Variants in CROCC observed in about 807,000 individuals in gnomAD.
The protein encoded by CROCC is rootletin.
A neutral mutation model predicts 245.2 loss-of-function variants in CROCC; 180 were observed. That is an observed-to-expected ratio of 0.73 (90% CI 0.65 to 0.83). The LOEUF (loss-of-function observed/expected upper bound fraction) is 0.83, where lower values mean the gene tolerates loss of function less well. Ranked by LOEUF, CROCC falls within the 40% of genes least tolerant of loss-of-function variation. The pLI, the probability that CROCC is intolerant of heterozygous loss-of-function variation, is 0.00. For synonymous variants in CROCC, 1,205 were observed against 1,241.6 expected (o/e 0.97, Z 0.62); for missense variants, 2,688 against 2,779.4 (o/e 0.97, Z 0.74).
intron 9 of CROCC, 127 bp from the exon 10 acceptor site, chr1:16,937,514 A>G (rs2075818207): frequency 5.3e-6 from 4 of 757,642 alleles, no homozygotes; most frequent in Non-Finnish European, 6.8e-6. Flanking sequence ...GTCTGAGGTC[A>G]CACAGCCAGG....
At chr1:16,937,510 G>A (rs1557596970) in intron 9 of CROCC, 131 bp from the exon 10 acceptor site, 7 of 735,214 alleles carry the variant, frequency 9.5e-6, no homozygotes, top group Admixed American at 2.2e-5. Context: ...ACTTGTCTGA[G>A]GTCACACAGC....
chr1:16,924,425 G>A lies in CROCC; in HGVS notation c.297G>A (p.Gln99=). 1 of 1,613,338 alleles carries A rather than the reference G, an allele frequency of 6.2e-7. No individual in the cohort carries two copies. The highest frequency in any genetic ancestry group is 1.1e-5 in the South Asian group (1 of 91,010). Reference sequence around the variant, plus strand: ...CCCGCGTGGAGGACCTGCTGGCCCAGAGCCGTGCCGAGCGCGATGAGCTCG... The same window carrying A: ...CCCGCGTGGAGGACCTGCTGGCCCAAAGCCGTGCCGAGCGCGATGAGCTCG... ...ELSRVEDLLA[Q]SRAERDELAI... is the part of the protein sequence containing the mutation. The change falls in exon 3 of 37, where the codon CAG becomes CAA. Residue 99 remains glutamine (Q), a synonymous_variant. Transcript: ENST00000375541.
chr1:16,962,546 A>C (rs1337035184), intron 27 of CROCC, among the ~76,000 whole-genome samples: 35 of 142,306 alleles, frequency 2.5e-4, no homozygotes, highest in Admixed American at 1.3e-3. Context: ...AAAAAAAAAA[A>C]AAAAAAAAAA....
In CROCC at chr1:16,940,109, G is replaced by C. The variant is rs2100425009; in HGVS notation, c.1808+16G>C. The C allele has an allele frequency of 6.3e-7, 1 of 1,585,576 alleles. No homozygotes were observed. Among genetic ancestry groups the C allele is most frequent in the Non-Finnish European group, 8.6e-7 (1 of 1,168,268 alleles). ...TCCTGAGCAGGTGCCGGGGAGGTCTGAGCTGGGGGGTACTGAAGAATAAGT... is the reference window on the plus strand; with the variant it reads ...TCCTGAGCAGGTGCCGGGGAGGTCTCAGCTGGGGGGTACTGAAGAATAAGT... On this transcript the variant is annotated intron_variant, in intron 13 of 36. Transcript: ENST00000375541.
At chr1:16,940,466 G>A (rs2075905411) in intron 13 of CROCC, among the ~76,000 whole-genome samples, 1 of 151,496 alleles carries the variant, frequency 6.6e-6, no homozygotes, top group South Asian at 2.1e-4. Flanking sequence ...TTGGCTCATT[G>A]CATCCTCCTC....
Position 16,960,846 on chromosome 1 carries a change from G to C in CROCC, c.4121G>C (p.Arg1374Pro). 2 of 1,518,634 alleles carry C rather than the reference G, an allele frequency of 1.3e-6. No homozygotes were observed. The highest frequency in any genetic ancestry group is 2.4e-5 in the South Asian group (2 of 82,484). The allele number at this position is 1,518,634 out of a possible 1,614,324, so 94.1% of individuals were successfully genotyped here. The change falls in exon 27 of 37, where the codon CGT becomes CCT. Residue 1374 changes from arginine to proline, a missense_variant. This residue lies in a region of CROCC where 1,218 missense variants were observed against 1,286.3 expected (regional missense o/e 0.95). Coordinates refer to ENST00000375541, the MANE Select transcript of CROCC (RefSeq NM_014675.5). ...RRLLGSLEEA[R>P]GTEKQQLDHA... ...CTGCTGGGCTCCCTGGAGGAGGCGC[G>C]TGGCACTGAAAAGCAGCAGCTGGAC...
chr1:16,931,181 C>G (rs2075668253), intron 7 of CROCC, 110 bp from the exon 8 acceptor site: 4 of 940,814 alleles, frequency 4.3e-6, no homozygotes, highest in African/African-American at 1.6e-5. Context: ...ACAGGAAGAC[C>G]CAATCCCTGA....
Position 16,930,429 on chromosome 1 carries a change from G to T in CROCC, c.684G>T (p.Arg228Ser), listed in dbSNP as rs776443150. 1.1e-5 allele frequency: 17 copies of T among 1,611,440 alleles called. No individual in the cohort carries two copies. The highest frequency in any genetic ancestry group is 8.3e-5 in the Admixed American group (5 of 60,006). Residue 228 changes from arginine (R) to serine (S), a missense_variant and splice_region_variant, in exon 7 of 37, where the codon AGG becomes AGT. Transcript: ENST00000375541. The stretch of plus-strand genomic sequence containing the variant: ...TACTGATCCCCTGTGCCCCATTCAG[G>T]AGTGCCAGCCTGGCCCAGGTGAATG... ...ALIRLEEEQQRSASLAQVNAM... is the reference protein window; with the variant it reads ...ALIRLEEEQQSSASLAQVNAM...
Position 16,929,877 on chromosome 1 carries a change from A to T in CROCC, c.383A>T (p.Glu128Val), listed in dbSNP as rs1413994890. ...CAGGCTCTGCGGCTGGAGCCTGGGG[A>T]GCTGGAGACGCAGGAGCCCAGGGGG... ...LEQALRLEPGELETQEPRGLV... is the reference protein window; with the variant it reads ...LEQALRLEPGVLETQEPRGLV... The change falls in exon 4 of 37, where the codon GAG becomes GTG. Residue 128 changes from glutamate to valine, a missense_variant. Physicochemically the swap from Glu to Val is moderately radical, Grantham distance 121. Transcript: ENST00000375541. 2 of 1,579,822 alleles carry T rather than the reference A, an allele frequency of 1.3e-6. No individual in the cohort carries two copies. Among genetic ancestry groups the T allele is most frequent in the South Asian group, 1.2e-5 (1 of 86,456 alleles).
rs373033043 is a variant in CROCC, at chr1:16,968,366, G to A, written c.5024G>A (p.Arg1675His). 1.3e-4 allele frequency: 203 copies of A among 1,534,004 alleles called. No individual in the cohort carries two copies. The highest frequency in any genetic ancestry group is 1.0e-3 in the East Asian group (41 of 40,700). The change falls in exon 31 of 37, where the codon CGC becomes CAC. Residue 1675 changes from arginine (R) to histidine (H), a missense_variant. By Grantham distance (29) the Arg-to-His change is conservative (BLOSUM62 0). Coordinates refer to ENST00000375541, the MANE Select transcript of CROCC (RefSeq NM_014675.5). ...CGCAGCCGCCTGGGCCTCAGTGACC[G>A]CGAGGCCCAAGCCCAGGCCCTCCAG... ...LQRSRLGLSD[R>H]EAQAQALQDR... is the part of the protein sequence containing the mutation.
intron 17 of CROCC, 51 bp from the exon 18 acceptor site, chr1:16,948,280 A>T: frequency 6.7e-7 from 1 of 1,490,596 alleles, no homozygotes; most frequent in Non-Finnish European, 8.9e-7. Flanking sequence ...CTGCACGATG[A>T]ACAAGCTGGG....
intron 27 of CROCC, among the ~76,000 whole-genome samples, chr1:16,961,860 C>G (rs2076339212): frequency 6.6e-6 from 1 of 152,190 alleles, no homozygotes; most frequent in Non-Finnish European, 1.5e-5. Flanking sequence ...GATCCTCCCA[C>G]TGGGATTACA....
rs758924610 is a variant in CROCC at position 16,940,098 on chromosome 1, CG to C, written c.1808+9del. 11 of 1,596,598 alleles carry C rather than the reference CG, an allele frequency of 6.9e-6. No individual in the cohort carries two copies. The highest frequency in any genetic ancestry group is 8.5e-6 in the Non-Finnish European group (10 of 1,173,710). On this transcript the variant is annotated splice_donor_region_variant and intron_variant, in intron 13 of 36. Coordinates refer to ENST00000375541, the MANE Select transcript of CROCC (RefSeq NM_014675.5). ...CGCCAACGAGCTCCTGAGCAGGTGCCGGGGAGGTCTGAGCTGGGGGGTACTG... is the reference window on the plus strand; with the variant it reads ...CGCCAACGAGCTCCTGAGCAGGTGCCGGGAGGTCTGAGCTGGGGGGTACTG...
At chr1:16,959,968 A>G (rs543784240) in intron 26 of CROCC, among the ~76,000 whole-genome samples, 1 of 152,192 alleles carries the variant, frequency 6.6e-6, no homozygotes, top group South Asian at 2.1e-4. Context: ...AACAAAAAAA[A>G]AAACAGAAAC....
intron 1 of CROCC, 41 bp from the exon 2 acceptor site, chr1:16,922,622 G>C (rs763534648): frequency 2.6e-6 from 4 of 1,556,466 alleles, no homozygotes; most frequent in Non-Finnish European, 1.7e-6. Flanking sequence ...AGGGAGCCCC[G>C]GGTCCCATGT....
chr1:16,969,833 A>G lies in CROCC; in HGVS notation c.5350A>G (p.Ser1784Gly). 1 of 1,613,388 alleles carries G rather than the reference A, an allele frequency of 6.2e-7. No homozygotes were observed. Among genetic ancestry groups the G allele is most frequent in the Non-Finnish European group, 8.5e-7 (1 of 1,179,748 alleles). The stretch of plus-strand genomic sequence containing the variant: ...GGCATTATCTGAGGCACGGAAGCAG[A>G]GCAGCTCCCTGGGCGAGCAGGTGCA... ...RQALSEARKQSSSLGEQVQTL... is the reference protein window; with the variant it reads ...RQALSEARKQGSSLGEQVQTL... The change falls in exon 33 of 37, where the codon AGC (serine) becomes GGC (glycine). Residue 1784 changes from serine (S) to glycine (G), a missense_variant. Around this residue, in one of 9 missense-constraint regions of CROCC, gnomAD observed 1,218 missense variants for 1,286.3 expected, o/e 0.95. Coordinates refer to ENST00000375541, the MANE Select transcript of CROCC (RefSeq NM_014675.5).
intron 25 of CROCC, among the ~76,000 whole-genome samples, chr1:16,958,003 T>TC (rs2076274505): frequency 6.6e-6 from 1 of 151,734 alleles, no homozygotes; most frequent in Non-Finnish European, 1.5e-5. Flanking sequence ...TACCCCTCCC[T>TC]GCTCCTGTGG....
intron 11 of CROCC, 85 bp from the exon 12 acceptor site, chr1:16,938,824 C>G (rs1377541017): frequency 7.5e-7 from 1 of 1,331,900 alleles, no homozygotes. Context: ...GAGGCAGCCC[C>G]CAGCCTCACC....
At chr1:16,936,266 T>C (rs1353204163) in intron 8 of CROCC, among the ~76,000 whole-genome samples, 3 of 152,242 alleles carry the variant, frequency 2.0e-5, no homozygotes, top group Non-Finnish European at 4.4e-5. Context: ...TAGTTTTATT[T>C]TTATTTTATT....
Sources: allele counts gnomAD v4.1 joint callset (sites outside exome capture counted in the v4.1 genomes callset), GRCh38; gene constraint gnomAD v4.1.1; regional missense constraint gnomAD v4.1.1; transcripts MANE v1.5; gene names NCBI Gene and HGNC (gene_info 2026-07-23, HGNC 2026-07-21).